Variants in SLC7A5 observed in about 807,000 individuals in gnomAD.
SLC7A5 encodes the protein solute carrier family 7 member 5, also known as large neutral amino acids transporter small subunit 1.
SLC7A5 carries 23 observed loss-of-function variants against 50.2 expected under a neutral mutation model. The ratio of observed to expected loss-of-function variants is 0.46; its 90% confidence interval spans 0.33 to 0.65. The LOEUF (loss-of-function observed/expected upper bound fraction) is 0.65, where lower values mean the gene tolerates loss of function less well. Ranked by LOEUF, SLC7A5 falls within the 30% of genes least tolerant of loss-of-function variation. The pLI is 0.02. For synonymous variants in SLC7A5, 393 were observed against 330.6 expected (o/e 1.19, Z -2.05); for missense variants, 578 against 684.4 (o/e 0.84, Z 1.73).
chr16:87,866,364 C>T (rs1201317265), intron 1 of SLC7A5, among the ~76,000 whole-genome samples: 1 of 152,218 alleles, frequency 6.6e-6, no homozygotes, highest in Non-Finnish European at 1.5e-5. Context: ...AGAAATGTGT[C>T]ACCCAGGCAG....
intron 7 of SLC7A5, 33 bp downstream of exon 7, chr16:87,837,812 G>T: frequency 6.4e-7 from 1 of 1,557,410 alleles, no homozygotes; most frequent in Non-Finnish European, 8.7e-7. Flanking sequence ...AACCCCCAGG[G>T]ATGTAGGGCA....
Position 87,830,904 on chromosome 16 carries a change from C to T in SLC7A5, c.*2066G>A, listed in dbSNP as rs942704072. Reference sequence around the variant, plus strand: ...AGGAGGTTGGAACAGAACGGCATCCCGAGGACCCCTAGCCGAGGCGGGAAG... The same window carrying T: ...AGGAGGTTGGAACAGAACGGCATCCTGAGGACCCCTAGCCGAGGCGGGAAG... On this transcript the variant is annotated 3_prime_UTR_variant, in exon 10 of 10. Coordinates refer to ENST00000261622, the MANE Select transcript of SLC7A5 (RefSeq NM_003486.7). 1.3e-5 allele frequency: 2 copies of T among 152,312 alleles called. No individual in the cohort carries two copies. Among genetic ancestry groups the T allele is most frequent in the Non-Finnish European group, 2.9e-5 (2 of 68,118 alleles). The allele number at this position is 152,312 out of a possible 1,614,324, so 9.4% of individuals were successfully genotyped here.
intron 1 of SLC7A5, among the ~76,000 whole-genome samples, chr16:87,865,898 C>A (rs2055454694): frequency 6.6e-6 from 1 of 152,042 alleles, no homozygotes; most frequent in Non-Finnish European, 1.5e-5. Flanking sequence ...GAGGCACATG[C>A]CTGTAATCTA....
chr16:87,832,750 C>T lies in SLC7A5; in HGVS notation c.*220G>A, dbSNP rs1435231476. ...AAGGAGACCAAAAGCTGCTCCTGGG[C>T]AGGAGCACAGGCACACCTGGGTCCC... On this transcript the variant is annotated 3_prime_UTR_variant, in exon 10 of 10. Coordinates refer to ENST00000261622, the MANE Select transcript of SLC7A5 (RefSeq NM_003486.7). The surrounding 1 kb of genome is among the most constrained non-coding windows in gnomAD (Gnocchi z 4.6). 1 of 532,080 alleles carries T rather than the reference C, an allele frequency of 1.9e-6. No individual in the cohort carries two copies. The highest frequency in any genetic ancestry group is 2.0e-5 in the South Asian group (1 of 50,540). The allele number at this position is 532,080 out of a possible 1,614,324, so 33.0% of individuals were successfully genotyped here.
Position 87,869,246 on chromosome 16 carries a change from G to A in SLC7A5, c.177C>T (p.Ile59=), listed in dbSNP as rs1202482644. The change falls in exon 1 of 10, where the codon ATC becomes ATT. Residue 59 remains isoleucine (I), a synonymous_variant. Transcript: ENST00000261622. ...NITLLNGVAI[I]VGTIIGSGIF... Reference sequence around the variant, plus strand: ...TGCCCGAGCCGATAATGGTCCCCACGATGATGGCCACGCCGTTGAGCAGCG... The same window carrying A: ...TGCCCGAGCCGATAATGGTCCCCACAATGATGGCCACGCCGTTGAGCAGCG... 1.2e-6 allele frequency: 2 copies of A among 1,612,656 alleles called. No individual in the cohort carries two copies. The highest frequency in any genetic ancestry group is 1.3e-5 in the African/African-American group (1 of 74,914).
rs996190814 is a variant in SLC7A5 at position 87,854,238 on chromosome 16, G to A, written c.539-2389C>T. ...GACAGACAGGCGGGGGCCGGGTCTT[G>A]AAGTCAGGTGGGGAGCAAAATGGCC... On this transcript the variant is annotated intron_variant, in intron 1 of 9. Transcript: ENST00000261622. Among the ~76,000 whole-genome samples, 5 of 152,236 alleles carry A rather than the reference G, an allele frequency of 3.3e-5. 1 individual carries two copies. The highest frequency in any genetic ancestry group is 2.1e-4 in the South Asian group (1 of 4,816).
intron 8 of SLC7A5, among the ~76,000 whole-genome samples, chr16:87,834,814 T>C (rs1377163616): frequency 6.6e-6 from 1 of 152,160 alleles, no homozygotes; most frequent in African/African-American, 2.4e-5. Flanking sequence ...CGGCTTATGA[T>C]GAGGGATGGA....
chr16:87,839,728 T>C lies in SLC7A5; in HGVS notation c.913A>G (p.Met305Val). ...ACGGCCACGGCCTCGGACGACAGCATCTGCTCGGTGGACAGGGTGGTGAAG... is the reference window on the plus strand; with the variant it reads ...ACGGCCACGGCCTCGGACGACAGCACCTGCTCGGTGGACAGGGTGGTGAAG... ...AYFTTLSTEQ[M>V]LSSEAVAVDF... The change falls in exon 5 of 10, where the codon ATG becomes GTG. Residue 305 changes from methionine (M) to valine (V), a missense_variant. By Grantham distance (21) the Met-to-Val change is conservative. Coordinates refer to ENST00000261622, the MANE Select transcript of SLC7A5 (RefSeq NM_003486.7). The C allele has an allele frequency of 6.2e-7, 1 of 1,613,696 alleles. No homozygotes were observed. The highest frequency in any genetic ancestry group is 8.5e-7 in the Non-Finnish European group (1 of 1,179,962).
At chr16:87,840,253 C>G (rs2055065883) in intron 4 of SLC7A5, among the ~76,000 whole-genome samples, 176 bp downstream of exon 4, 1 of 152,238 alleles carries the variant, frequency 6.6e-6, no homozygotes, top group African/African-American at 2.4e-5. Context: ...AAACCGTGCT[C>G]AAGGACACAC....
chr16:87,848,994 G>T (rs1191982271), intron 2 of SLC7A5, among the ~76,000 whole-genome samples: 2 of 152,268 alleles, frequency 1.3e-5, no homozygotes, highest in African/African-American at 4.8e-5. Context: ...AGGGCAGCAA[G>T]GAGGAGCCTT....
chr16:87,856,239 C>G (rs190523789), intron 1 of SLC7A5, among the ~76,000 whole-genome samples: 11 of 152,356 alleles, frequency 7.2e-5, no homozygotes, highest in South Asian at 2.1e-4. Flanking sequence ...GTTCCGCGCA[C>G]GGTTTCAGAG....
intron 1 of SLC7A5, among the ~76,000 whole-genome samples, chr16:87,863,838 G>C (rs567637983): frequency 2.7e-4 from 41 of 151,704 alleles, no homozygotes; most frequent in Non-Finnish European, 4.4e-4. Context: ...TCCCAAGGCA[G>C]CCTCAGAGGC....
Position 87,830,033 on chromosome 16 carries a change from G to A in SLC7A5, c.*2937C>T, listed in dbSNP as rs1953778048. On this transcript the variant is annotated 3_prime_UTR_variant, in exon 10 of 10. Coordinates refer to ENST00000261622, the MANE Select transcript of SLC7A5 (RefSeq NM_003486.7). ...ACAGAACATCAGCGGTAGGATGATT[G>A]AGTGTTTCTTTAAAAATAAAAACCC... The A allele has an allele frequency of 1.3e-5, 2 of 152,316 alleles. No individual in the cohort carries two copies. The highest frequency in any genetic ancestry group is 2.4e-5 in the African/African-American group (1 of 41,560). The allele number at this position is 152,316 out of a possible 1,614,324, so 9.4% of individuals were successfully genotyped here.
chr16:87,837,989 G>C, intron 6 of SLC7A5, 48 bp from the exon 7 acceptor site: 1 of 1,409,672 alleles, frequency 7.1e-7, no homozygotes, highest in Non-Finnish European at 9.9e-7. Flanking sequence ...CCACAACTCA[G>C]CACGTGGACA....
chr16:87,836,073 G>T (rs1280509018), intron 8 of SLC7A5, among the ~76,000 whole-genome samples: 2 of 152,358 alleles, frequency 1.3e-5, no homozygotes, highest in East Asian at 3.9e-4. Context: ...CTGGGGACGG[G>T]GAGAGTCCAG....
At chr16:87,868,455 G>A (rs188880962) in intron 1 of SLC7A5, among the ~76,000 whole-genome samples, 3 of 152,172 alleles carry the variant, frequency 2.0e-5, no homozygotes, top group Admixed American at 6.5e-5. Flanking sequence ...AGAAATGAAT[G>A]ATTTTTTTTT....
Position 87,831,074 on chromosome 16 carries a change from G to T in SLC7A5, c.*1896C>A, listed in dbSNP as rs754205015. On this transcript the variant is annotated 3_prime_UTR_variant, in exon 10 of 10. Transcript: ENST00000261622. ...CTGGATTCACACAGCAATGCACCAG[G>T]CAGGTGGGGCACCAGCTGCTGTCCT... The T allele has an allele frequency of 2.6e-5, 4 of 152,254 alleles. No homozygotes were observed. The highest frequency in any genetic ancestry group is 4.8e-5 in the African/African-American group (2 of 41,446). The allele number at this position is 152,254 out of a possible 1,614,324, so 9.4% of individuals were successfully genotyped here. A position where few individuals can be genotyped will look rare whatever the true frequency, so the allele number is the denominator to read the frequency against.
At position 87,831,479 on chromosome 16, in the gene SLC7A5, T is replaced by A. The variant is rs1454354785; in HGVS notation, c.*1491A>T. 6.6e-6 allele frequency: 1 copy of A among 152,040 alleles called. No homozygotes were observed. Among genetic ancestry groups the A allele is most frequent in the African/African-American group, 2.4e-5 (1 of 41,322 alleles). The allele number at this position is 152,040 out of a possible 1,614,324, so 9.4% of individuals were successfully genotyped here. ...TGCGGCTTGAGCAGCCGCTGGTCAG[T>A]GAAGCCGTGTCCGGCTTCGTTGGCT... On this transcript the variant is annotated 3_prime_UTR_variant, in exon 10 of 10. Transcript: ENST00000261622.
chr16:87,840,481 T>G lies in SLC7A5; in HGVS notation c.771-8A>C, dbSNP rs372235781. The G allele has an allele frequency of 6.2e-6, 10 of 1,601,832 alleles. No individual in the cohort carries two copies. Among genetic ancestry groups the G allele is most frequent in the East Asian group, 2.2e-5 (1 of 44,824 alleles). ...ACGAAATTCAAGTAATTCCTAAAAT[T>G]TAGAGAACAGCGTTCAAATTATATG... On this transcript the variant is annotated splice_polypyrimidine_tract_variant and splice_region_variant and intron_variant, in intron 3 of 9. Coordinates refer to ENST00000261622, the MANE Select transcript of SLC7A5 (RefSeq NM_003486.7).
Sources: allele counts gnomAD v4.1 joint callset (sites outside exome capture counted in the v4.1 genomes callset), GRCh38; gene constraint gnomAD v4.1.1; non-coding constraint Gnocchi (gnomAD v3.1); transcripts MANE v1.5; gene names NCBI Gene and HGNC (gene_info 2026-07-23, HGNC 2026-07-21).